The following WDR64 variants were observed in gnomAD, a reference collection of about 807,000 sequenced individuals.
WDR64 encodes the protein WD repeat-containing protein 64.
A neutral mutation model predicts 139.3 loss-of-function variants in WDR64; 112 were observed. That is an observed-to-expected ratio of 0.80 (90% CI 0.69 to 0.94). The LOEUF is 0.94. Ranked by LOEUF, WDR64 falls within the 40% of genes least tolerant of loss-of-function variation. The pLI is 0.00. For missense variants in WDR64, 1,206 were observed against 1,293.1 expected (o/e 0.93, Z 1.03); for synonymous variants, 444 against 437.7 (o/e 1.01, Z -0.18).
intron 23 of WDR64, among the ~76,000 whole-genome samples, chr1:241,785,137 G>A (rs1014539486): frequency 3.9e-5 from 6 of 152,026 alleles, no homozygotes; most frequent in Admixed American, 6.6e-5. Flanking sequence ...ACACACAGAC[G>A]CACACACATG....
At chr1:241,678,099 A>T (rs574163402) in intron 4 of WDR64, 88 bp from the exon 5 acceptor site, 4 of 398,252 alleles carry the variant, frequency 1.0e-5, no homozygotes, top group Non-Finnish European at 1.8e-5. Context: ...GATTAAACCA[A>T]GAAGATACTG....
chr1:241,729,225 C>T (rs539964277), intron 10 of WDR64, among the ~76,000 whole-genome samples: 3 of 152,208 alleles, frequency 2.0e-5, no homozygotes, highest in South Asian at 4.2e-4. Context: ...ATTCTTCTTC[C>T]CAGAGTCATG....
At chr1:241,763,658 T>C (rs1658021378) in intron 15 of WDR64, among the ~76,000 whole-genome samples, 1 of 152,174 alleles carries the variant, frequency 6.6e-6, no homozygotes, top group African/African-American at 2.4e-5. Flanking sequence ...TGAGCTGAGA[T>C]CATGCCATTG....
chr1:241,666,507 A>C (rs897733236), intron 2 of WDR64, among the ~76,000 whole-genome samples: 1 of 152,206 alleles, frequency 6.6e-6, no homozygotes, highest in Non-Finnish European at 1.5e-5. Flanking sequence ...TTGTCGTAAG[A>C]GCATATGTCC....
chr1:241,708,150 G>T (rs1042117210), intron 8 of WDR64, among the ~76,000 whole-genome samples: 1 of 152,018 alleles, frequency 6.6e-6, no homozygotes, highest in East Asian at 1.9e-4. Context: ...TACTCCAGGG[G>T]GTATGCAAGA....
intron 10 of WDR64, among the ~76,000 whole-genome samples, chr1:241,733,459 G>A (rs1669171236): frequency 6.6e-6 from 1 of 151,318 alleles, no homozygotes; most frequent in Non-Finnish European, 1.5e-5. Context: ...TGGGCGACAA[G>A]AGCAAAACTC....
chr1:241,766,721 C>CGT (rs1658195341), intron 16 of WDR64, among the ~76,000 whole-genome samples: 1 of 148,498 alleles, frequency 6.7e-6, no homozygotes. Context: ...AAAAAAAAAA[C>CGT]CTCAGGGGAC....
At chr1:241,724,163 T>C (rs1260186117) in intron 10 of WDR64, among the ~76,000 whole-genome samples, 3 of 152,138 alleles carry the variant, frequency 2.0e-5, no homozygotes, top group Non-Finnish European at 4.4e-5. Flanking sequence ...TTAAGGGACA[T>C]ACTATGTTCC....
At chr1:241,667,744 C>G (rs2148067171) in intron 2 of WDR64, among the ~76,000 whole-genome samples, 1 of 152,210 alleles carries the variant, frequency 6.6e-6, no homozygotes, top group South Asian at 2.1e-4. Context: ...AGATTCTTTC[C>G]TGAAAGTCTC....
intron 6 of WDR64, 77 bp from the exon 7 acceptor site, chr1:241,683,410 T>G (rs1050386170): frequency 1.5e-5 from 21 of 1,414,818 alleles, no homozygotes; most frequent in Non-Finnish European, 3.9e-6. Context: ...AAAGTGAAAT[T>G]TTTGTCAAAT....
In WDR64 at chr1:241,687,449, C is replaced by G; in HGVS notation, c.840-12C>G. 1 of 1,612,722 alleles carries G rather than the reference C, an allele frequency of 6.2e-7. No individual in the cohort carries two copies. The highest frequency in any genetic ancestry group is 8.5e-7 in the Non-Finnish European group (1 of 1,179,438). On this transcript the variant is annotated splice_polypyrimidine_tract_variant and intron_variant, in intron 7 of 27. Transcript: ENST00000437684. ...CTAACATAAATCTCCCCTGCCTTTTCTTAATCCCCAGTGTTAAAAGGAAGC... is the reference window on the plus strand; with the variant it reads ...CTAACATAAATCTCCCCTGCCTTTTGTTAATCCCCAGTGTTAAAAGGAAGC...
intron 14 of WDR64, among the ~76,000 whole-genome samples, chr1:241,754,782 C>T (rs889263103): frequency 6.6e-6 from 1 of 151,616 alleles, no homozygotes; most frequent in Non-Finnish European, 1.5e-5. Flanking sequence ...TGTGTGTTCT[C>T]ATTGTTCAAC....
At chr1:241,685,736 A>G (rs1353300414) in intron 7 of WDR64, among the ~76,000 whole-genome samples, 1 of 152,218 alleles carries the variant, frequency 6.6e-6, no homozygotes, top group Non-Finnish European at 1.5e-5. Flanking sequence ...AATAAAATTT[A>G]CTGGCTCCAT....
chr1:241,725,098 A>G (rs1668750391), intron 10 of WDR64, among the ~76,000 whole-genome samples: 3 of 152,120 alleles, frequency 2.0e-5, no homozygotes, highest in Admixed American at 2.0e-4. Flanking sequence ...ACAAATACCA[A>G]AAATCTTTAG....
rs956393648 is a variant in WDR64, at chr1:241,770,633, G to C, written c.2196G>C (p.Gln732His). ...ACTCCCCTTATAGGAGATCAAGTCA[G>C]GATTCCATATGTTCTTCATCCCAGT... ...RTPECARRSS[Q>H]DSICSSSQCE... Residue 732 changes from glutamine (Q) to histidine (H), a missense_variant, in exon 18 of 28, where the codon CAG becomes CAC. Transcript: ENST00000437684. 5.2e-6 allele frequency: 8 copies of C among 1,551,180 alleles called. No individual in the cohort carries two copies. In the Admixed American group the frequency reaches 1.6e-4, roughly 30 times the overall value.
chr1:241,757,081 T>C (rs542983040), intron 14 of WDR64, among the ~76,000 whole-genome samples: 11 of 152,300 alleles, frequency 7.2e-5, no homozygotes, highest in African/African-American at 2.6e-4. Flanking sequence ...CTTTCATGAC[T>C]AACATCATAT....
intron 18 of WDR64, 50 bp from the exon 19 acceptor site, chr1:241,771,611 T>C (rs1574085543): frequency 7.1e-7 from 1 of 1,401,810 alleles, no homozygotes. Context: ...GTATATCTCA[T>C]TTTCTTACAA....
At chr1:241,722,025 CTGTG>C (rs34135566) in intron 9 of WDR64, among the ~76,000 whole-genome samples, 2 of 150,662 alleles carry the variant, frequency 1.3e-5, no homozygotes, top group African/African-American at 2.4e-5. Flanking sequence ...TTTCATAAAA[CTGTG>C]TGTGTGTGTG....
chr1:241,759,616 T>C (rs991516299), intron 15 of WDR64, among the ~76,000 whole-genome samples: 2 of 152,220 alleles, frequency 1.3e-5, no homozygotes, highest in Non-Finnish European at 2.9e-5. Flanking sequence ...TAGAATATTA[T>C]TTACATCCTT....
Sources: gnomAD v4.1 joint callset for allele counts (sites outside exome capture counted in the v4.1 genomes callset) on GRCh38, gnomAD v4.1.1 for gene constraint, MANE v1.5 for transcripts, NCBI Gene and HGNC (gene_info 2026-07-23, HGNC 2026-07-21) for gene names.